Variants in PRKN observed in about 807,000 individuals in gnomAD.
PRKN encodes the protein parkin RBR E3 ubiquitin protein ligase, also known as E3 ubiquitin-protein ligase parkin.
PRKN carries 56 observed loss-of-function variants against 59.5 expected under a neutral mutation model. The observed-to-expected ratio is 0.94, with a 90% CI of 0.76 to 1.18. The LOEUF (loss-of-function observed/expected upper bound fraction) is 1.18, where lower values mean the gene tolerates loss of function less well. Among genes scored for constraint, PRKN ranks in the 50% most tolerant of loss-of-function variants. The pLI is 0.00. For synonymous variants in PRKN, 250 were observed against 222.1 expected, an observed-to-expected ratio of 1.13 and a Z score of -1.12; for missense variants, 657 against 596.4, an observed-to-expected ratio of 1.10 and a Z score of -1.06.
intron 7 of PRKN, among the ~76,000 whole-genome samples, chr6:161,671,318 A>G (rs574018565): frequency 8.5e-5 from 13 of 152,166 alleles, no homozygotes; most frequent in Non-Finnish European, 1.8e-4. Context: ...CAGGAACCTC[A>G]TGTCATGGTA....
chr6:162,173,015 G>A (rs1387838373), intron 4 of PRKN, among the ~76,000 whole-genome samples: 2 of 152,154 alleles, frequency 1.3e-5, no homozygotes, highest in African/African-American at 2.4e-5. Context: ...AGACACCCTG[G>A]GGAATTGAAT....
chr6:162,252,108 G>T (rs1198394084), intron 3 of PRKN, among the ~76,000 whole-genome samples: 1 of 152,180 alleles, frequency 6.6e-6, no homozygotes, highest in African/African-American at 2.4e-5. Context: ...AACTAGAAAT[G>T]AAGAAGCAAG....
chr6:161,490,263 C>T (rs933760647), intron 9 of PRKN, among the ~76,000 whole-genome samples: 37 of 151,692 alleles, frequency 2.4e-4, no homozygotes, highest in South Asian at 4.2e-4. Flanking sequence ...AGTGCCATGG[C>T]GGTGGTCTGT....
intron 4 of PRKN, among the ~76,000 whole-genome samples, chr6:162,095,312 CA>C (rs1317026941): frequency 1.3e-5 from 2 of 152,130 alleles, no homozygotes; most frequent in East Asian, 3.9e-4. Context: ...ACAAGATGAG[CA>C]GATTGTGGAA....
intron 9 of PRKN, among the ~76,000 whole-genome samples, chr6:161,465,465 G>T (rs1265249815): frequency 6.7e-6 from 1 of 149,722 alleles, no homozygotes; most frequent in African/African-American, 2.4e-5. Flanking sequence ...ATTTTTGGGG[G>T]CCTTTCTTTT....
In PRKN at chr6:161,557,486, C is replaced by T. The variant is rs6917077; in HGVS notation, c.934-8483G>A. ...CAGTGAACTTCCCCTTTCTTGCTGGCTGTTGACTGCATGTTAAGTACATTA... is the reference window on the plus strand; with the variant it reads ...CAGTGAACTTCCCCTTTCTTGCTGGTTGTTGACTGCATGTTAAGTACATTA... On this transcript the variant is annotated intron_variant, in intron 8 of 11. Transcript: ENST00000366898. Among the ~76,000 whole-genome samples the T allele has an allele frequency of 3.9e-3, 594 of 152,212 alleles. 2 individuals carry two copies. Among genetic ancestry groups the T allele is most frequent in the African/African-American group, 0.014 (573 of 41,536 alleles).
Position 162,444,482 on chromosome 6 carries a change from T to C in PRKN, c.8-1009A>G, listed in dbSNP as rs549729536. Among the ~76,000 whole-genome samples the C allele has an allele frequency of 5.5e-4, 81 of 148,146 alleles. 3 individuals carry two copies. In the South Asian group the frequency reaches 0.017, roughly 30 times the overall value. On this transcript the variant is annotated intron_variant, in intron 1 of 11. Transcript: ENST00000366898. ...TCCATGTGTACTCTTTTAAACTAAA[T>C]GCTCCCAGAAAAAAAAAAATCACAA...
Position 161,874,762 on chromosome 6 carries a change from A to T in PRKN, c.735-88854T>A, listed in dbSNP as rs569104859. Among the ~76,000 whole-genome samples, 15 of 121,218 alleles carry T rather than the reference A, an allele frequency of 1.2e-4. 1 individual carries two copies. The South Asian group carries it at 4.1e-3, about 33-fold the overall frequency. 79.5% of individuals were successfully genotyped at this position (121,218 alleles called of 152,430 possible). A position where few individuals can be genotyped will look rare whatever the true frequency, so the allele number is the denominator to read the frequency against. ...ATATATAAAATATATAATATATATA[A>T]AATATATAATATATAAAATGTATAA... On this transcript the variant is annotated intron_variant, in intron 6 of 11. Coordinates refer to ENST00000366898, the MANE Select transcript of PRKN (RefSeq NM_004562.3).
chr6:162,077,988 G>C (rs1213695551), intron 4 of PRKN, among the ~76,000 whole-genome samples: 3 of 133,798 alleles, frequency 2.2e-5, no homozygotes, highest in Admixed American at 8.3e-5. Flanking sequence ...GCAACAGAGA[G>C]AGACTCTCTC....
chr6:162,092,498 G>C (rs771808835), intron 4 of PRKN, among the ~76,000 whole-genome samples: 4 of 152,100 alleles, frequency 2.6e-5, no homozygotes, highest in Non-Finnish European at 5.9e-5. Flanking sequence ...CCATCCTATT[G>C]TAAGTCTACT....
intron 1 of PRKN, among the ~76,000 whole-genome samples, chr6:162,724,541 T>C (rs1779052282): frequency 6.6e-6 from 1 of 152,178 alleles, no homozygotes; most frequent in Non-Finnish European, 1.5e-5. Context: ...TTAAATAAAG[T>C]GGCAGAATAT....
intron 6 of PRKN, among the ~76,000 whole-genome samples, chr6:161,882,483 ATG>A (rs1456903620): frequency 6.6e-6 from 1 of 152,124 alleles, no homozygotes; most frequent in East Asian, 1.9e-4. Flanking sequence ...CACTCCCACA[ATG>A]AGCTCATCCT....
intron 1 of PRKN, among the ~76,000 whole-genome samples, chr6:162,618,366 GCTGC>G (rs1782516357): frequency 6.6e-6 from 1 of 152,092 alleles, no homozygotes; most frequent in African/African-American, 2.4e-5. Context: ...TGGTAACTAT[GCTGC>G]CAACCAGTTT....
intron 4 of PRKN, among the ~76,000 whole-genome samples, chr6:162,124,132 C>G (rs1781028702): frequency 6.6e-6 from 1 of 152,140 alleles, no homozygotes; most frequent in Non-Finnish European, 1.5e-5. Flanking sequence ...CTCATCATGC[C>G]ATTTTGATGA....
At chr6:162,546,832 T>C (rs1380923551) in intron 1 of PRKN, among the ~76,000 whole-genome samples, 2 of 152,114 alleles carry the variant, frequency 1.3e-5, no homozygotes, top group East Asian at 3.9e-4. Context: ...AGTCAGTGTG[T>C]CAGACTGAAA....
Position 161,578,319 on chromosome 6 carries a change from C to T in PRKN, c.872-8903G>A, listed in dbSNP as rs1439502302. ...ATTATTTGTTCCAGAAGAATTCTGCCCTGGAAGATAAGCTTGTAAAGCAAT... is the reference window on the plus strand; with the variant it reads ...ATTATTTGTTCCAGAAGAATTCTGCTCTGGAAGATAAGCTTGTAAAGCAAT... On this transcript the variant is annotated intron_variant, in intron 7 of 11. Coordinates refer to ENST00000366898, the MANE Select transcript of PRKN (RefSeq NM_004562.3). This position sits in a 1 kb window ranked among gnomAD's most constrained non-coding sequence, Gnocchi z 4.2. Among the ~76,000 whole-genome samples the T allele has an allele frequency of 6.6e-6, 1 of 151,958 alleles. No individual in the cohort carries two copies. The highest frequency in any genetic ancestry group is 1.5e-5 in the Non-Finnish European group (1 of 67,996).
At chr6:162,481,275 C>T (rs994151747) in intron 1 of PRKN, among the ~76,000 whole-genome samples, 5 of 152,126 alleles carry the variant, frequency 3.3e-5, no homozygotes, top group Non-Finnish European at 5.9e-5. Context: ...CAAATTATAA[C>T]GAGACCACAA....
intron 9 of PRKN, among the ~76,000 whole-genome samples, chr6:161,541,337 C>T (rs61082056): frequency 0.016 from 2,412 of 152,234 alleles, 61 homozygotes; most frequent in African/African-American, 0.055. Context: ...GGTCAGAGCA[C>T]GACCAAAATA....
intron 5 of PRKN, 119 bp downstream of exon 5, chr6:162,053,972 G>T: frequency 2.5e-6 from 2 of 803,738 alleles, no homozygotes; most frequent in Non-Finnish European, 2.2e-6. Context: ...TAACACTTTT[G>T]GCAAACATTA....
Sources: allele counts gnomAD v4.1 joint callset (sites outside exome capture counted in the v4.1 genomes callset), GRCh38; gene constraint gnomAD v4.1.1; non-coding constraint Gnocchi (gnomAD v3.1); transcripts MANE v1.5; gene names NCBI Gene and HGNC (gene_info 2026-07-23, HGNC 2026-07-21).